Variants in ANOS1 observed in about 807,000 individuals in gnomAD.
ANOS1 encodes anosmin-1.
ANOS1 carries 6 observed loss-of-function variants against 59.0 expected under a neutral mutation model. The observed-to-expected ratio is 0.10, with a 90% CI of 0.06 to 0.20. The LOEUF (loss-of-function observed/expected upper bound fraction) is 0.20, where lower values mean the gene tolerates loss of function less well. ANOS1 is among the 10% of genes least tolerant of loss of function. ANOS1 has a pLI of 1.00. For missense variants in ANOS1, 433 were observed against 542.3 expected (o/e 0.80, Z 2.00); for synonymous variants, 217 against 223.4 (o/e 0.97, Z 0.25).
At chrX:8,608,506 T>C (rs1930982891) in intron 3 of ANOS1, among the ~76,000 whole-genome samples, 1 of 111,722 alleles carries the variant, frequency 9.0e-6, no homozygotes. Flanking sequence ...GAAAAAAAAA[T>C]CTCATATTTT....
intron 10 of ANOS1, among the ~76,000 whole-genome samples, chrX:8,537,375 T>C (rs1218869486): frequency 8.9e-6 from 1 of 112,202 alleles, no homozygotes; most frequent in Non-Finnish European, 1.9e-5. Context: ...TTTAGCAATA[T>C]AATTTTTCCC....
At chrX:8,650,011 G>A (rs1033698552) in intron 2 of ANOS1, among the ~76,000 whole-genome samples, 1 of 112,949 alleles carries the variant, frequency 8.9e-6, no homozygotes, top group Non-Finnish European at 1.9e-5. Flanking sequence ...TCCTGTAGAA[G>A]TGACAGGCTT....
At chrX:8,595,167 C>T (rs924708953) in intron 4 of ANOS1, among the ~76,000 whole-genome samples, 3 of 110,789 alleles carry the variant, frequency 2.7e-5, no homozygotes, top group African/African-American at 6.6e-5. Flanking sequence ...TTTAAAAAGA[C>T]GATTCCCAAA....
At chrX:8,718,443 C>A (rs779612583) in intron 1 of ANOS1, among the ~76,000 whole-genome samples, 36 of 112,302 alleles carry the variant, frequency 3.2e-4, no homozygotes, top group Non-Finnish European at 1.5e-4. Context: ...TGGTGGACAC[C>A]ACCCTAGGTG....
chrX:8,532,729 A>C lies in ANOS1; in HGVS notation c.*266T>G, dbSNP rs188044176. The C allele has an allele frequency of 3.3e-6, 1 of 299,978 alleles. No homozygotes were observed. The highest frequency in any genetic ancestry group is 5.2e-5 in the East Asian group (1 of 19,189). The allele number at this position is 299,978 out of a possible 1,213,427, so 24.7% of individuals were successfully genotyped here. ...TCAATAGAAATGAGCGACACCATAC[A>C]TGAAAACAAAATTTAGCATTAAACA... On this transcript the variant is annotated 3_prime_UTR_variant, in exon 14 of 14. Coordinates refer to ENST00000262648, the MANE Select transcript of ANOS1 (RefSeq NM_000216.4).
rs373963972 is a variant in ANOS1, at chrX:8,597,103, A to G, written c.472T>C (p.Ser158Pro). 1 of 1,209,415 alleles carries G rather than the reference A, an allele frequency of 8.3e-7. No individual in the cohort carries two copies. The highest frequency in any genetic ancestry group is 1.8e-5 in the African/African-American group (1 of 56,911). ...TTCGAACAACATTTCTTCACCCCAG[A>G]GCACTCATTGTCAACTTCGCAGCTT... is the stretch of plus-strand genomic sequence containing the variant. ...VESCEVDNEC[S>P]GVKKCCSNGC... is the part of the protein sequence containing the mutation. The change falls in exon 4 of 14, where the codon TCT becomes CCT. Residue 158 changes from serine (S) to proline (P), a missense_variant. By Grantham distance (74) the Ser-to-Pro change is moderately conservative. Coordinates refer to ENST00000262648, the MANE Select transcript of ANOS1 (RefSeq NM_000216.4).
chrX:8,637,212 T>C (rs1179718672), intron 2 of ANOS1, among the ~76,000 whole-genome samples: 2 of 111,927 alleles, frequency 1.8e-5, no homozygotes, highest in African/African-American at 6.5e-5. Context: ...TTCAAGAGAT[T>C]TTGCACAGGG....
intron 2 of ANOS1, among the ~76,000 whole-genome samples, chrX:8,657,117 T>C (rs1346808488): frequency 8.9e-6 from 1 of 112,657 alleles, no homozygotes; most frequent in Non-Finnish European, 1.9e-5. Context: ...GCTCGATCAA[T>C]CATGCCTACG....
chrX:8,610,033 A>C (rs10046977), intron 3 of ANOS1, among the ~76,000 whole-genome samples: 5,296 of 82,650 alleles, frequency 0.064, 712 homozygotes, highest in African/African-American at 0.25. Flanking sequence ...AAAAAAAAAA[A>C]AACAACAACC....
chrX:8,728,411 T>A (rs1932938923), intron 1 of ANOS1, among the ~76,000 whole-genome samples: 1 of 112,102 alleles, frequency 8.9e-6, no homozygotes, highest in Non-Finnish European at 1.9e-5. Context: ...TGATTGCATC[T>A]TGCAGGGCAG....
At chrX:8,654,746 G>A (rs978348982) in intron 2 of ANOS1, among the ~76,000 whole-genome samples, 10 of 111,940 alleles carry the variant, frequency 8.9e-5, no homozygotes, top group Non-Finnish European at 1.7e-4. Context: ...ATCAGGGGCC[G>A]GGTGTCTCAT....
intron 9 of ANOS1, among the ~76,000 whole-genome samples, chrX:8,542,900 A>G (rs1473942028): frequency 9.2e-6 from 1 of 109,258 alleles, no homozygotes; most frequent in Non-Finnish European, 1.9e-5. Context: ...CTGCCCTCTG[A>G]ATAAAGACAC....
At chrX:8,697,734 A>G (rs1242019007) in intron 2 of ANOS1, among the ~76,000 whole-genome samples, 1 of 112,051 alleles carries the variant, frequency 8.9e-6, no homozygotes, top group Admixed American at 9.5e-5. Context: ...TTCTCTCCCT[A>G]TATTTGTACA....
intron 2 of ANOS1, among the ~76,000 whole-genome samples, chrX:8,668,430 T>TATATACACATACATAC (rs1394731479): frequency 1.2e-5 from 1 of 80,258 alleles, no homozygotes; most frequent in African/African-American, 5.0e-5. Context: ...TATATATATA[T>TATATACACATACATAC]ACACACACAT....
chrX:8,611,961 T>C (rs1012811779), intron 3 of ANOS1, among the ~76,000 whole-genome samples: 6 of 111,964 alleles, frequency 5.4e-5, no homozygotes, highest in Non-Finnish European at 3.8e-5. Context: ...TGGAAGAAGA[T>C]AAGTTTAAAG....
At chrX:8,686,949 G>C (rs749244296) in intron 2 of ANOS1, among the ~76,000 whole-genome samples, 21 of 110,805 alleles carry the variant, frequency 1.9e-4, no homozygotes, top group African/African-American at 6.9e-4. Context: ...GCCAGACTTC[G>C]TCTCAAAAAA....
intron 2 of ANOS1, among the ~76,000 whole-genome samples, chrX:8,696,193 GC>G (rs1422091284): frequency 8.9e-6 from 1 of 111,828 alleles, no homozygotes; most frequent in African/African-American, 3.3e-5. Flanking sequence ...AGCTGCTGGG[GC>G]CCCTGCCATT....
chrX:8,641,324 T>C (rs776478287), intron 2 of ANOS1, among the ~76,000 whole-genome samples: 9 of 112,259 alleles, frequency 8.0e-5, no homozygotes, highest in Non-Finnish European at 1.5e-4. Flanking sequence ...AATAATCAGA[T>C]GTGCAGAAAG....
chrX:8,704,131 G>A (rs73475401), intron 1 of ANOS1, among the ~76,000 whole-genome samples: 4,820 of 111,551 alleles, frequency 0.043, 268 homozygotes, highest in African/African-American at 0.15. Context: ...TTAAGACATG[G>A]CTTTGCTCCT....
Sources: gnomAD v4.1 joint callset for allele counts (sites outside exome capture counted in the v4.1 genomes callset) on GRCh38, gnomAD v4.1.1 for gene constraint, MANE v1.5 for transcripts, NCBI Gene and HGNC (gene_info 2026-07-23, HGNC 2026-07-21) for gene names.